RFC3: variants seen among roughly 807,000 people sequenced by gnomAD.
RFC3 encodes the protein replication factor C subunit 3, also known as A1 38 kDa subunit.
RFC3 carries 41 observed loss-of-function variants against 45.1 expected under a neutral mutation model. That is an observed-to-expected ratio of 0.91 (90% CI 0.71 to 1.18). The LOEUF (loss-of-function observed/expected upper bound fraction) is 1.18. Ranked by LOEUF, RFC3 falls within the 50% of genes most tolerant of loss-of-function variation. RFC3 has a pLI of 0.00. For missense variants in RFC3, 423 were observed against 428.1 expected, an observed-to-expected ratio of 0.99 and a Z score of 0.10; for synonymous variants, 149 against 144.0, an observed-to-expected ratio of 1.03 and a Z score of -0.25.
At chr13:33,942,582 T>G (rs960752014) in intron 8 of RFC3, among the ~76,000 whole-genome samples, 2 of 152,164 alleles carry the variant, frequency 1.3e-5, no homozygotes, top group African/African-American at 4.8e-5. Context: ...TGTTTCACCC[T>G]TTTTTACAGA....
At chr13:33,888,120 T>C (rs1475519821) in intron 8 of RFC3, among the ~76,000 whole-genome samples, 1 of 152,234 alleles carries the variant, frequency 6.6e-6, no homozygotes, top group African/African-American at 2.4e-5. Context: ...AGGCTCTTTT[T>C]TGGTTCCATA....
chr13:33,834,214 G>A (rs1025845716), intron 7 of RFC3, among the ~76,000 whole-genome samples: 4 of 146,182 alleles, frequency 2.7e-5, no homozygotes, highest in East Asian at 2.0e-4. Flanking sequence ...TATTCCTGAC[G>A]TCTTAGGATT....
intron 8 of RFC3, among the ~76,000 whole-genome samples, chr13:33,900,065 G>T (rs2082629893): frequency 6.6e-6 from 1 of 151,912 alleles, no homozygotes; most frequent in African/African-American, 2.4e-5. Flanking sequence ...CATGTTCATG[G>T]GTTGAAAGAA....
chr13:33,911,177 A>G (rs2082701893), intron 8 of RFC3, among the ~76,000 whole-genome samples: 4 of 152,080 alleles, frequency 2.6e-5, no homozygotes. Flanking sequence ...CATTTTACAG[A>G]TGAGAAGACT....
At chr13:33,909,730 C>T (rs895349382) in intron 8 of RFC3, among the ~76,000 whole-genome samples, 2 of 152,048 alleles carry the variant, frequency 1.3e-5, no homozygotes, top group Non-Finnish European at 2.9e-5. Context: ...GCCATGCTCC[C>T]AGAGACATAA....
At chr13:33,898,695 CAA>C (rs1267849143) in intron 8 of RFC3, among the ~76,000 whole-genome samples, 1 of 151,224 alleles carries the variant, frequency 6.6e-6, no homozygotes, top group Non-Finnish European at 1.5e-5. Context: ...AAAAAAATAA[CAA>C]AAAATCAACA....
intron 8 of RFC3, among the ~76,000 whole-genome samples, chr13:33,927,543 C>A (rs1420885316): frequency 6.6e-6 from 1 of 152,152 alleles, no homozygotes; most frequent in Non-Finnish European, 1.5e-5. Flanking sequence ...TCTCCTTGTG[C>A]TGTTGTCCAT....
intron 8 of RFC3, among the ~76,000 whole-genome samples, chr13:33,873,711 C>T (rs780270130): frequency 2.0e-5 from 3 of 152,166 alleles, no homozygotes; most frequent in Non-Finnish European, 4.4e-5. Context: ...GCTCCATCTC[C>T]TCATCTTTAG....
At chr13:33,862,281 CTTTA>C (rs978546465) in intron 8 of RFC3, among the ~76,000 whole-genome samples, 5 of 134,050 alleles carry the variant, frequency 3.7e-5, no homozygotes, top group Non-Finnish European at 7.9e-5. Flanking sequence ...TTGTCTGACA[CTTTA>C]TTTAGGTTTT....
chr13:33,908,648 A>G (rs945353502), intron 8 of RFC3, among the ~76,000 whole-genome samples: 4 of 140,464 alleles, frequency 2.8e-5, no homozygotes, highest in Non-Finnish European at 4.7e-5. Flanking sequence ...ACACACACAC[A>G]CGCTTTAATA....
At chr13:33,914,760 G>A (rs2082723369) in intron 8 of RFC3, among the ~76,000 whole-genome samples, 1 of 152,028 alleles carries the variant, frequency 6.6e-6, no homozygotes, top group Admixed American at 6.6e-5. Context: ...TATTTATAAT[G>A]TTTACAGTCT....
chr13:33,855,441 A>C (rs960991317), intron 8 of RFC3, among the ~76,000 whole-genome samples: 2 of 152,098 alleles, frequency 1.3e-5, no homozygotes, highest in African/African-American at 4.8e-5. Flanking sequence ...CAGTGAACGT[A>C]TGTGTGTGTG....
At chr13:33,828,445 C>T (rs1359824475) in intron 4 of RFC3, among the ~76,000 whole-genome samples, 1 of 152,194 alleles carries the variant, frequency 6.6e-6, no homozygotes, top group East Asian at 1.9e-4. Context: ...TTGGTATTCT[C>T]AGAGTCTGCT....
At chr13:33,832,393 A>T (rs972152325) in intron 7 of RFC3, among the ~76,000 whole-genome samples, 1 of 152,180 alleles carries the variant, frequency 6.6e-6, no homozygotes, top group African/African-American at 2.4e-5. Context: ...GGAATATGCC[A>T]TGTTTCTCCT....
At chr13:33,830,560 A>T (rs898271924) in intron 5 of RFC3, among the ~76,000 whole-genome samples, 159 bp from the exon 6 acceptor site, 1 of 152,186 alleles carries the variant, frequency 6.6e-6, no homozygotes, top group Non-Finnish European at 1.5e-5. Flanking sequence ...AATATGCAAC[A>T]TTGTGTTAGA....
chr13:33,851,486 G>A (rs781227753), intron 8 of RFC3, among the ~76,000 whole-genome samples: 14 of 152,098 alleles, frequency 9.2e-5, no homozygotes, highest in African/African-American at 2.4e-5. Context: ...AGGTTATTAA[G>A]AAGGTCCTGA....
intron 8 of RFC3, among the ~76,000 whole-genome samples, chr13:33,910,174 C>T (rs2082695603): frequency 6.6e-6 from 1 of 152,164 alleles, no homozygotes; most frequent in Non-Finnish European, 1.5e-5. Context: ...ATTTACTTAG[C>T]TCCTACTCGG....
At chr13:33,866,008 G>A (rs1593649825) in intron 8 of RFC3, among the ~76,000 whole-genome samples, 1 of 152,094 alleles carries the variant, frequency 6.6e-6, no homozygotes, top group Admixed American at 6.6e-5. Context: ...GCAGTGAGCC[G>A]AGATCATGCC....
intron 8 of RFC3, among the ~76,000 whole-genome samples, chr13:33,891,130 A>G (rs1033999289): frequency 6.6e-6 from 1 of 152,188 alleles, no homozygotes; most frequent in African/African-American, 2.4e-5. Context: ...TAGTGGTTGT[A>G]AAAAATAAGA....
Sources: allele counts gnomAD v4.1 joint callset (sites outside exome capture counted in the v4.1 genomes callset), GRCh38; gene constraint gnomAD v4.1.1; transcripts MANE v1.5; gene names NCBI Gene and HGNC (gene_info 2026-07-23, HGNC 2026-07-21).